The following NYAP2 variants were observed in gnomAD, a reference collection of about 807,000 sequenced individuals.
The protein encoded by NYAP2 is neuronal tyrosine-phosphorylated phosphoinositide-3-kinase adapter 2.
NYAP2 carries 23 observed loss-of-function variants against 50.4 expected under a neutral mutation model. The observed-to-expected ratio is 0.46, with a 90% CI of 0.33 to 0.65. The LOEUF (loss-of-function observed/expected upper bound fraction) is 0.65. Ranked by LOEUF, NYAP2 falls within the 30% of genes least tolerant of loss-of-function variation. The pLI, the probability that NYAP2 is intolerant of heterozygous loss-of-function variation, is 0.02. For missense variants in NYAP2, 885 were observed against 861.0 expected (o/e 1.03, Z -0.35); for synonymous variants, 394 against 365.2 (o/e 1.08, Z -0.90).
chr2:225,628,471 A>G (rs1693251982), intron 6 of NYAP2, among the ~76,000 whole-genome samples: 1 of 151,838 alleles, frequency 6.6e-6, no homozygotes, highest in Non-Finnish European at 1.5e-5. Context: ...ACAGGTGCCC[A>G]CCACCACGCC....
chr2:225,519,168 A>C lies in NYAP2; in HGVS notation c.523+5496A>C, dbSNP rs556977617. On this transcript the variant is annotated intron_variant, in intron 4 of 6. Transcript: ENST00000636099. ...CCAGGCAAAATAACCTTTTAATAATATTGTAATATTAATAAGTATTCCCAA... is the reference window on the plus strand; with the variant it reads ...CCAGGCAAAATAACCTTTTAATAATCTTGTAATATTAATAAGTATTCCCAA... 2.5e-3 allele frequency among the ~76,000 whole-genome samples: 387 copies of C among 152,218 alleles called. 1 individual carries two copies. The highest frequency in any genetic ancestry group is 7.2e-3 in the South Asian group (35 of 4,828).
the NYAP2 span, chr2:225,700,514 C>T: frequency 6.6e-6 from 1 of 151,638 alleles, no homozygotes; most frequent in Non-Finnish European, 1.5e-5. Context: ...ATGTTTCAAA[C>T]CAAATAATCT....
intron 6 of NYAP2, among the ~76,000 whole-genome samples, chr2:225,641,436 C>T (rs1693530317): frequency 7.1e-6 from 1 of 141,310 alleles, no homozygotes; most frequent in African/African-American, 2.7e-5. Context: ...CACACACACA[C>T]ACACACACAC....
chr2:225,544,855 T>C (rs1331956386), intron 4 of NYAP2, among the ~76,000 whole-genome samples: 5 of 152,226 alleles, frequency 3.3e-5, no homozygotes, highest in Admixed American at 3.3e-4. Context: ...TTAGCATTTC[T>C]TGTAGGACAG....
At chr2:225,451,333 G>A (rs1437275264) in intron 3 of NYAP2, among the ~76,000 whole-genome samples, 41 of 152,166 alleles carry the variant, frequency 2.7e-4, no homozygotes, top group Non-Finnish European at 2.9e-5. Context: ...AAATGTACTT[G>A]ATCTGTCAAT....
intron 3 of NYAP2, among the ~76,000 whole-genome samples, chr2:225,479,169 AAG>A (rs1412442918): frequency 6.6e-6 from 1 of 152,296 alleles, no homozygotes; most frequent in Non-Finnish European, 1.5e-5. Context: ...TATTTGAAGA[AAG>A]AGTAAGAATT....
At chr2:225,538,807 T>TTA (rs1691401959) in intron 4 of NYAP2, among the ~76,000 whole-genome samples, 1 of 74,108 alleles carries the variant, frequency 1.3e-5, no homozygotes, top group African/African-American at 6.4e-5. Context: ...TCTTTCTTTC[T>TTA]TTCTTTCTTT....
chr2:225,675,889 T>A, the NYAP2 span, among the ~76,000 whole-genome samples: 1 of 152,208 alleles, frequency 6.6e-6, no homozygotes, highest in Non-Finnish European at 1.5e-5. Flanking sequence ...ATTTCTCTGA[T>A]GATTAGCGAT....
chr2:225,678,719 G>T, the NYAP2 span, among the ~76,000 whole-genome samples: 1 of 152,076 alleles, frequency 6.6e-6, no homozygotes, highest in Admixed American at 6.6e-5. Flanking sequence ...CAAGGTTGAG[G>T]GGCCAAGAGG....
chr2:225,612,855 C>CACACCTAA (rs1277985514), intron 5 of NYAP2, among the ~76,000 whole-genome samples: 1 of 149,958 alleles, frequency 6.7e-6, no homozygotes, highest in Non-Finnish European at 1.5e-5. Flanking sequence ...GACATCACAT[C>CACACCTAA]TGGGTCTAGA....
At chr2:225,442,333 A>G (rs1168230303) in intron 3 of NYAP2, among the ~76,000 whole-genome samples, 1 of 152,206 alleles carries the variant, frequency 6.6e-6, no homozygotes, top group East Asian at 1.9e-4. Flanking sequence ...CACTGTGTAG[A>G]AAAGAATAAT....
In NYAP2 at chr2:225,538,986, C is replaced by T. The variant is rs181956183; in HGVS notation, c.523+25314C>T. The stretch of plus-strand genomic sequence containing the variant: ...CATTAGATATTTCTCCTAATGCTAT[C>T]CCTCCCCTAGCCCTTCACCTCCTGA... On this transcript the variant is annotated intron_variant, in intron 4 of 6. Coordinates refer to ENST00000636099, the Ensembl canonical transcript of NYAP2. Among the ~76,000 whole-genome samples the T allele has an allele frequency of 5.9e-5, 9 of 152,046 alleles. No individual in the cohort carries two copies. In the East Asian group the frequency reaches 1.7e-3, roughly 29 times the overall value.
intron 5 of NYAP2, among the ~76,000 whole-genome samples, chr2:225,610,055 C>T (rs1692853011): frequency 6.6e-6 from 1 of 152,100 alleles, no homozygotes; most frequent in African/African-American, 2.4e-5. Context: ...TCTTAGAAGA[C>T]ATTCATTGTC....
intron 3 of NYAP2, among the ~76,000 whole-genome samples, chr2:225,473,887 G>A (rs933677687): frequency 3.2e-4 from 49 of 152,264 alleles, no homozygotes; most frequent in African/African-American, 1.1e-3. Flanking sequence ...CCTTGCCCAT[G>A]CCTATGTCCT....
chr2:225,702,720 G>C, the NYAP2 span: 1 of 151,420 alleles, frequency 6.6e-6, no homozygotes, highest in African/African-American at 2.4e-5. Context: ...TTGATATTTG[G>C]GTCAATTACA....
At chr2:225,504,128 T>C (rs1690658974) in intron 3 of NYAP2, among the ~76,000 whole-genome samples, 1 of 152,170 alleles carries the variant, frequency 6.6e-6, no homozygotes, top group Admixed American at 6.5e-5. Flanking sequence ...CATAGTACAC[T>C]CAGGCTGCTA....
chr2:225,446,218 C>CTGTCTGTCTG (rs747971215), intron 3 of NYAP2, among the ~76,000 whole-genome samples: 31 of 81,560 alleles, frequency 3.8e-4, no homozygotes, highest in Middle Eastern at 7.1e-3. Flanking sequence ...GTCTGTCTGT[C>CTGTCTGTCTG]TCTCTCTCTC....
chr2:225,688,413 A>AT, the NYAP2 span, among the ~76,000 whole-genome samples: 1 of 152,122 alleles, frequency 6.6e-6, no homozygotes, highest in Non-Finnish European at 1.5e-5. Context: ...TTATTCATTC[A>AT]TTTTTTATGA....
chr2:225,504,086 G>C (rs1438061282), intron 3 of NYAP2, among the ~76,000 whole-genome samples: 3 of 152,164 alleles, frequency 2.0e-5, no homozygotes, highest in Non-Finnish European at 2.9e-5. Context: ...GGAAGGAAGG[G>C]GAGGTAAATT....
Sources: allele counts gnomAD v4.1 joint callset (sites outside exome capture counted in the v4.1 genomes callset), GRCh38; gene constraint gnomAD v4.1.1; transcripts MANE v1.5; gene names NCBI Gene and HGNC (gene_info 2026-07-23, HGNC 2026-07-21).